Variants in HDAC4 observed in about 807,000 individuals in gnomAD.
HDAC4 encodes histone deacetylase A.
HDAC4 carries 16 observed loss-of-function variants against 135.1 expected under a neutral mutation model. The ratio of observed to expected loss-of-function variants is 0.12; its 90% confidence interval spans 0.08 to 0.18. The LOEUF (loss-of-function observed/expected upper bound fraction) is 0.18. Ranked by LOEUF, HDAC4 falls within the 10% of genes least tolerant of loss-of-function variation. HDAC4 has a pLI of 1.00. For synonymous variants in HDAC4, 685 were observed against 653.4 expected (o/e 1.05, Z -0.74); for missense variants, 1,143 against 1,511.8 (o/e 0.76, Z 4.05).
chr2:239,266,256 G>A lies in HDAC4; in HGVS notation c.23-29592C>T, dbSNP rs539854075. On this transcript the variant is annotated intron_variant, in intron 2 of 26. Coordinates refer to ENST00000543185, the MANE Select transcript of HDAC4 (RefSeq NM_001378414.1). The stretch of plus-strand genomic sequence containing the variant: ...CCTACTTCCTGTAGCAGAGCCGCTA[G>A]GTGGGAAACGTGCCCCTGATTCTCC... 2.6e-5 allele frequency among the ~76,000 whole-genome samples: 4 copies of A among 152,298 alleles called. No homozygotes were observed. In the South Asian group the frequency reaches 6.2e-4, roughly 24 times the overall value.
chr2:239,090,562 G>A (rs1249319242), intron 17 of HDAC4, among the ~76,000 whole-genome samples: 2 of 150,040 alleles, frequency 1.3e-5, no homozygotes, highest in Non-Finnish European at 3.0e-5. Flanking sequence ...AAGATCACTT[G>A]AGCCCAGGAG....
In HDAC4 at chr2:239,144,732, G is replaced by A. The variant is rs1382842790; in HGVS notation, c.734-18C>T. Reference sequence around the variant, plus strand: ...TTCAGAAGCTGCACAAAAAGGAGATGTCATTACAGCCAGGCAGACACCACT... The same window carrying A: ...TTCAGAAGCTGCACAAAAAGGAGATATCATTACAGCCAGGCAGACACCACT... On this transcript the variant is annotated intron_variant, in intron 7 of 26. Transcript: ENST00000543185. The A allele has an allele frequency of 2.5e-6, 4 of 1,613,780 alleles. No individual in the cohort carries two copies. The South Asian group carries it at 3.3e-5, about 13-fold the overall frequency.
rs2030269043 is a variant in HDAC4, at chr2:239,048,353, C to T, written c.*4744G>A. On this transcript the variant is annotated 3_prime_UTR_variant, in exon 27 of 27. Transcript: ENST00000543185. ...AGAAAACCAAACACAAAACCTCCAA[C>T]TCCACTGAGCAAAAGAAAGAACCAT... 1.3e-5 allele frequency: 2 copies of T among 152,292 alleles called. No homozygotes were observed. Among genetic ancestry groups the T allele is most frequent in the African/African-American group, 4.8e-5 (2 of 41,452 alleles). The allele number at this position is 152,292 out of a possible 1,614,324, so 9.4% of individuals were successfully genotyped here.
At chr2:239,125,000 C>T (rs2040071367) in intron 12 of HDAC4, among the ~76,000 whole-genome samples, 1 of 151,758 alleles carries the variant, frequency 6.6e-6, no homozygotes, top group South Asian at 2.1e-4. Context: ...ATATGACATT[C>T]CATGTTATGT....
chr2:239,255,467 G>C (rs2049000820), intron 2 of HDAC4, among the ~76,000 whole-genome samples: 2 of 152,118 alleles, frequency 1.3e-5, no homozygotes, highest in Non-Finnish European at 2.9e-5. Context: ...GCATCTCCGG[G>C]CTCTACTTCT....
intron 2 of HDAC4, among the ~76,000 whole-genome samples, chr2:239,335,211 A>C (rs772638225): frequency 1.3e-5 from 2 of 152,182 alleles, no homozygotes; most frequent in Non-Finnish European, 2.9e-5. Context: ...AACTAGAATA[A>C]AGTGCAAAAA....
In HDAC4 at chr2:239,143,422, A is replaced by AT. The variant is rs573078928; in HGVS notation, c.865+1160_865+1161insA. ...CTTCCCCAGTCAGCTAGACTTAGTG[A>AT]AACTTTAGATCATAACATTTCTTGA... is the stretch of plus-strand genomic sequence containing the variant. On this transcript the variant is annotated intron_variant, in intron 8 of 26. Coordinates refer to ENST00000543185, the MANE Select transcript of HDAC4 (RefSeq NM_001378414.1). Among the ~76,000 whole-genome samples, 10 of 152,316 alleles carry AT rather than the reference A, an allele frequency of 6.6e-5. No homozygotes were observed. In the South Asian group the frequency reaches 1.9e-3, roughly 28 times the overall value.
At chr2:239,362,970 T>C (rs777764574) in intron 1 of HDAC4, among the ~76,000 whole-genome samples, 5 of 152,170 alleles carry the variant, frequency 3.3e-5, no homozygotes, top group Non-Finnish European at 7.4e-5. Context: ...AAAAGGTCAA[T>C]AATGTACCAA....
At chr2:239,131,669 C>T (rs916005165) in intron 11 of HDAC4, among the ~76,000 whole-genome samples, 1 of 152,144 alleles carries the variant, frequency 6.6e-6, no homozygotes, top group Non-Finnish European at 1.5e-5. Context: ...AGAAACGAGG[C>T]TTCTAGAGGA....
At chr2:239,223,936 T>C (rs545819403) in intron 3 of HDAC4, among the ~76,000 whole-genome samples, 4 of 151,560 alleles carry the variant, frequency 2.6e-5, no homozygotes, top group Admixed American at 6.6e-5. Context: ...GGAGAGTTCA[T>C]GTCCATGTAT....
chr2:239,153,071 A>C (rs1390799017), intron 7 of HDAC4, among the ~76,000 whole-genome samples: 1 of 152,222 alleles, frequency 6.6e-6, no homozygotes, highest in Non-Finnish European at 1.5e-5. Flanking sequence ...TCCTGCCCAC[A>C]GGTGCAGGCG....
intron 24 of HDAC4, among the ~76,000 whole-genome samples, chr2:239,057,583 G>GCAGA (rs2032070785): frequency 6.6e-6 from 1 of 152,226 alleles, no homozygotes; most frequent in African/African-American, 2.4e-5. Context: ...ATGGAGGCAA[G>GCAGA]CAGACAGTGG....
intron 3 of HDAC4, among the ~76,000 whole-genome samples, chr2:239,197,397 C>G (rs565572212): frequency 6.6e-6 from 1 of 152,196 alleles, no homozygotes; most frequent in Admixed American, 6.5e-5. Flanking sequence ...TCCGAAATTT[C>G]GAAGCCGTGT....
At chr2:239,166,304 C>A (rs1424923211) in intron 5 of HDAC4, among the ~76,000 whole-genome samples, 3 of 152,192 alleles carry the variant, frequency 2.0e-5, no homozygotes, top group Non-Finnish European at 4.4e-5. Context: ...TACACGACCA[C>A]CAGCATGAGT....
rs1181411639 is a variant in HDAC4, at chr2:239,068,482, C to G, written c.2869+7G>C. 1.3e-6 allele frequency: 2 copies of G among 1,599,294 alleles called. No homozygotes were observed. The highest frequency in any genetic ancestry group is 1.7e-5 in the Admixed American group (1 of 60,014). ...CCGGCTCCTCAGTCATATGCAGAACCACTTACATCTGGCGGAGAGGTTGTA... is the reference window on the plus strand; with the variant it reads ...CCGGCTCCTCAGTCATATGCAGAACGACTTACATCTGGCGGAGAGGTTGTA... On this transcript the variant is annotated splice_region_variant and intron_variant, in intron 23 of 26. Coordinates refer to ENST00000543185, the MANE Select transcript of HDAC4 (RefSeq NM_001378414.1). The surrounding 1 kb of genome is among the most constrained non-coding windows in gnomAD (Gnocchi z 4.4).
chr2:239,089,338 GTTT>G (rs960941915), intron 18 of HDAC4, among the ~76,000 whole-genome samples: 1 of 151,852 alleles, frequency 6.6e-6, no homozygotes, highest in Admixed American at 6.6e-5. Context: ...TAATTTTTTA[GTTT>G]TTTTTGAGAC....
At chr2:239,123,235 A>G (rs1185659836) in intron 12 of HDAC4, among the ~76,000 whole-genome samples, 1 of 152,252 alleles carries the variant, frequency 6.6e-6, no homozygotes, top group African/African-American at 2.4e-5. Context: ...GACGGATGTG[A>G]AAGTGCTTTT....
chr2:239,080,229 G>A (rs1574941607), intron 22 of HDAC4, among the ~76,000 whole-genome samples: 3 of 152,346 alleles, frequency 2.0e-5, no homozygotes, highest in African/African-American at 2.4e-5. Context: ...GCACACGTGC[G>A]TTTTATATGT....
intron 9 of HDAC4, among the ~76,000 whole-genome samples, chr2:239,136,032 T>C (rs2040930729): frequency 6.6e-6 from 1 of 152,152 alleles, no homozygotes; most frequent in Non-Finnish European, 1.5e-5. Context: ...AATGAACGTG[T>C]TTTGCTAAAA....
Sources: allele counts gnomAD v4.1 joint callset (sites outside exome capture counted in the v4.1 genomes callset), GRCh38; gene constraint gnomAD v4.1.1; non-coding constraint Gnocchi (gnomAD v3.1); transcripts MANE v1.5; gene names NCBI Gene and HGNC (gene_info 2026-07-23, HGNC 2026-07-21).